The following SLC44A5 variants were observed in gnomAD, a reference collection of about 807,000 sequenced individuals.
SLC44A5 encodes choline transporter-like protein 5.
A neutral mutation model predicts 101.8 loss-of-function variants in SLC44A5; 57 were observed. The observed-to-expected ratio is 0.56, with a 90% CI of 0.45 to 0.70. The LOEUF (loss-of-function observed/expected upper bound fraction) is 0.70. SLC44A5 is among the 30% of genes least tolerant of loss of function. The probability of loss-of-function intolerance (pLI) is 0.00; values close to 1 mark genes in which losing one functional copy is unlikely to be tolerated. For missense variants in SLC44A5, 737 were observed against 853.1 expected, an observed-to-expected ratio of 0.86 and a Z score of 1.70; for synonymous variants, 281 against 290.9, an observed-to-expected ratio of 0.97 and a Z score of 0.35.
At chr1:75,710,180 T>C in the SLC44A5 span, 1 of 152,150 alleles carries the variant, frequency 6.6e-6, no homozygotes, top group Non-Finnish European at 1.5e-5. Context: ...TTCACAGGTG[T>C]ATACATATAT....
chr1:75,680,055 G>C, the SLC44A5 span, among the ~76,000 whole-genome samples: 1 of 152,190 alleles, frequency 6.6e-6, no homozygotes, highest in Non-Finnish European at 1.5e-5. Context: ...TCAACAAGAA[G>C]AGCTAACTAT....
At chr1:75,457,161 A>G (rs1459175462) in intron 2 of SLC44A5, among the ~76,000 whole-genome samples, 2 of 152,190 alleles carry the variant, frequency 1.3e-5, no homozygotes, top group Non-Finnish European at 2.9e-5. Context: ...CAAAATTTTA[A>G]TTCTTTCTTT....
intron 3 of SLC44A5, among the ~76,000 whole-genome samples, chr1:75,364,732 G>C (rs183101974): frequency 6.6e-6 from 1 of 152,102 alleles, no homozygotes; most frequent in African/African-American, 2.4e-5. Flanking sequence ...TAGTTCTCTT[G>C]ATGGTTTCCC....
chr1:75,501,385 A>G (rs960828743), intron 2 of SLC44A5, among the ~76,000 whole-genome samples: 5 of 152,196 alleles, frequency 3.3e-5, no homozygotes, highest in African/African-American at 1.2e-4. Context: ...AAAATAGATA[A>G]TAAATCAGAT....
At chr1:75,601,354 A>T (rs1674968750) in intron 1 of SLC44A5, among the ~76,000 whole-genome samples, 1 of 147,452 alleles carries the variant, frequency 6.8e-6, no homozygotes, top group Non-Finnish European at 1.5e-5. Context: ...GGAGGGGAAC[A>T]TCAAACACTG....
intron 1 of SLC44A5, among the ~76,000 whole-genome samples, chr1:75,573,016 G>C (rs932060336): frequency 2.6e-5 from 4 of 151,010 alleles, no homozygotes; most frequent in African/African-American, 4.9e-5. Context: ...CCAACTACTA[G>C]GGAGGCTGAG....
At chr1:75,463,561 A>G (rs532188999) in intron 2 of SLC44A5, among the ~76,000 whole-genome samples, 1 of 152,274 alleles carries the variant, frequency 6.6e-6, no homozygotes, top group South Asian at 2.1e-4. Flanking sequence ...GATATATTTA[A>G]AGCAATAAAG....
chr1:75,214,730 A>G, intron 19 of SLC44A5, 52 bp from the exon 20 acceptor site: 1 of 1,428,042 alleles, frequency 7.0e-7, no homozygotes, highest in Non-Finnish European at 9.7e-7. Context: ...CTCTAACAAG[A>G]TCAAAAGACA....
At chr1:75,207,712 T>C (rs951611897) in intron 23 of SLC44A5, among the ~76,000 whole-genome samples, 5 of 152,188 alleles carry the variant, frequency 3.3e-5, no homozygotes, top group Non-Finnish European at 5.9e-5. Flanking sequence ...AGTCCCCTCT[T>C]ACCCAGTTTT....
chr1:75,269,012 A>G (rs1651236861), intron 6 of SLC44A5, among the ~76,000 whole-genome samples: 1 of 152,152 alleles, frequency 6.6e-6, no homozygotes, highest in African/African-American at 2.4e-5. Flanking sequence ...TATGTTTGAT[A>G]AATATTTTAT....
At chr1:75,213,536 C>T (rs539445338) in intron 22 of SLC44A5, among the ~76,000 whole-genome samples, 169 bp downstream of exon 22, 1 of 152,132 alleles carries the variant, frequency 6.6e-6, no homozygotes, top group Non-Finnish European at 1.5e-5. Flanking sequence ...GAGGGTGTCT[C>T]TCTGCTCACC....
At chr1:75,508,701 CAGAG>C (rs2101863195) in intron 2 of SLC44A5, among the ~76,000 whole-genome samples, 1 of 152,202 alleles carries the variant, frequency 6.6e-6, no homozygotes, top group East Asian at 1.9e-4. Flanking sequence ...AAAAGATTCT[CAGAG>C]ACTATTATGA....
At chr1:75,396,695 CT>C in intron 2 of SLC44A5, 74 bp from the exon 3 acceptor site, 1 of 1,154,124 alleles carries the variant, frequency 8.7e-7, no homozygotes, top group Non-Finnish European at 1.3e-6. Context: ...CACATCTCTC[CT>C]TATCCTAAAA....
In SLC44A5 at chr1:75,203,315, A is replaced by G. The variant is rs1443764151; in HGVS notation, c.*412T>C. 1 of 152,750 alleles carries G rather than the reference A, an allele frequency of 6.5e-6. No homozygotes were observed. The highest frequency in any genetic ancestry group is 1.9e-4 in the East Asian group (1 of 5,222). The allele number at this position is 152,750 out of a possible 1,614,324, so 9.5% of individuals were successfully genotyped here. A position where few individuals can be genotyped will look rare whatever the true frequency, so the allele number is the denominator to read the frequency against. On this transcript the variant is annotated 3_prime_UTR_variant, in exon 24 of 24. Transcript: ENST00000370859. ...AGTGGGAAAAACTTTAAAATTTTTA[A>G]TTTCACTTTGCTGACCAATTTTCCC... is the stretch of plus-strand genomic sequence containing the variant.
At chr1:75,537,033 A>AAAAAAAAAAAAATATATAT (rs35829590) in intron 2 of SLC44A5, among the ~76,000 whole-genome samples, 1 of 43,024 alleles carries the variant, frequency 2.3e-5, no homozygotes, top group African/African-American at 5.4e-5. Flanking sequence ...AAAAAAAAAA[A>AAAAAAAAAAAAATATATAT]ATATATATCT....
chr1:75,217,753 C>T, intron 18 of SLC44A5, 113 bp downstream of exon 18: 1 of 724,194 alleles, frequency 1.4e-6, no homozygotes, highest in Non-Finnish European at 2.5e-6. Flanking sequence ...GAACGGGTCC[C>T]AAATATGCCC....
intron 3 of SLC44A5, among the ~76,000 whole-genome samples, chr1:75,390,572 G>T (rs1022942275): frequency 4.6e-5 from 7 of 152,062 alleles, no homozygotes; most frequent in African/African-American, 1.7e-4. Context: ...AAGACCATAT[G>T]ATCATCTCAA....
chr1:75,433,981 T>C (rs1291569567), intron 2 of SLC44A5, among the ~76,000 whole-genome samples: 1 of 151,920 alleles, frequency 6.6e-6, no homozygotes, highest in African/African-American at 2.4e-5. Context: ...GCCCCGAGAA[T>C]AGTATGGGAA....
chr1:75,613,785 C>G (rs1005636436), upstream of SLC44A5, among the ~76,000 whole-genome samples: 10 of 152,168 alleles, frequency 6.6e-5, no homozygotes, highest in African/African-American at 2.4e-5. Flanking sequence ...TAAACTTATT[C>G]AAGAAAATAC....
Sources: allele counts gnomAD v4.1 joint callset (sites outside exome capture counted in the v4.1 genomes callset), GRCh38; gene constraint gnomAD v4.1.1; transcripts MANE v1.5; gene names NCBI Gene and HGNC (gene_info 2026-07-23, HGNC 2026-07-21).